The following SUMF1 variants were observed in gnomAD, a reference collection of about 807,000 sequenced individuals.
The protein encoded by SUMF1 is sulfatase modifying factor 1.
In SUMF1, 48 loss-of-function variants were observed where a neutral mutation model predicts 47.6. The observed-to-expected ratio is 1.01, with a 90% CI of 0.80 to 1.28. The LOEUF (loss-of-function observed/expected upper bound fraction) is 1.28. Among genes scored for constraint, SUMF1 ranks in the 50% most tolerant of loss-of-function variants. The pLI is 0.00. For synonymous variants in SUMF1, 230 were observed against 192.1 expected (o/e 1.20, Z -1.63); for missense variants, 571 against 485.4 (o/e 1.18, Z -1.66).
chr3:4,411,150 T>C (rs924881402), intron 6 of SUMF1, among the ~76,000 whole-genome samples, 172 bp from the exon 7 acceptor site: 3 of 152,216 alleles, frequency 2.0e-5, no homozygotes, highest in African/African-American at 7.2e-5. Flanking sequence ...GCATTTTTTT[T>C]TTGGCTTTGA....
intron 8 of SUMF1, among the ~76,000 whole-genome samples, chr3:4,369,198 A>G (rs1700091224): frequency 6.6e-6 from 1 of 152,176 alleles, no homozygotes; most frequent in Non-Finnish European, 1.5e-5. Context: ...TAGATAGTGA[A>G]ATGATAGCAA....
intron 7 of SUMF1, among the ~76,000 whole-genome samples, chr3:4,376,863 A>G (rs990106746): frequency 6.6e-6 from 1 of 152,132 alleles, no homozygotes; most frequent in African/African-American, 2.4e-5. Context: ...TGCTGTGATC[A>G]TAGCTCACTA....
chr3:4,342,185 C>T (rs1699285368), intron 8 of SUMF1, among the ~76,000 whole-genome samples: 1 of 152,148 alleles, frequency 6.6e-6, no homozygotes, highest in African/African-American at 2.4e-5. Flanking sequence ...TACATACCAG[C>T]TATTTTGAGG....
At chr3:4,154,952 T>C (rs1050680109) in intron 8 of SUMF1, among the ~76,000 whole-genome samples, 1 of 151,468 alleles carries the variant, frequency 6.6e-6, no homozygotes, top group East Asian at 1.9e-4. Flanking sequence ...TAAACTCAGG[T>C]AAGGGAAAAC....
In SUMF1 at chr3:4,174,350, C is replaced by T. The variant is rs544721896; in HGVS notation, c.1015-105605G>A. On this transcript the variant is annotated intron_variant and NMD_transcript_variant, in intron 8 of 12. Coordinates refer to the SUMF1 transcript ENST00000448413. ...CAGCCTGGGTGACAGAGCGAGACTC[C>T]GTCTCCAAAAAAAAAAAAAAAAAAA... Among the ~76,000 whole-genome samples, 275 of 71,982 alleles carry T rather than the reference C, an allele frequency of 3.8e-3. 2 individuals carry two copies. Among genetic ancestry groups the T allele is most frequent in the African/African-American group, 0.013 (249 of 18,540 alleles). 47.2% of individuals were successfully genotyped at this position (71,982 alleles called of 152,430 possible). A position where few individuals can be genotyped will look rare whatever the true frequency, so the allele number is the denominator to read the frequency against.
rs1325163445 is a variant in SUMF1 at position 4,376,378 on chromosome 3, AG to A, written c.965del (p.Pro322LeufsTer7). The A allele has an allele frequency of 1.2e-6, 2 of 1,614,042 alleles. No homozygotes were observed. The highest frequency in any genetic ancestry group is 1.7e-6 in the Non-Finnish European group (2 of 1,180,000). ...CTTTCTTCACTCGGTCTTTCCCAGA[AG>A]GGGGACCTTTCTACAGATGAAGAAA... ...VEETLNPKGPPSGKDRVKKGG... is the reference protein window; with the variant it reads ...VEETLNPKGPXSGKDRVKKGG... On this transcript the variant is annotated frameshift_variant, in exon 8 of 9. Transcript: ENST00000272902. LOFTEE classifies it high-confidence loss of function.
At chr3:4,329,763 A>G (rs1366368799) in intron 8 of SUMF1, among the ~76,000 whole-genome samples, 2 of 140,298 alleles carry the variant, frequency 1.4e-5, no homozygotes, top group Non-Finnish European at 3.1e-5. Context: ...TCCTTAGAAA[A>G]TGTTTTTTTT....
chr3:4,179,949 A>G (rs997926236), intron 8 of SUMF1, among the ~76,000 whole-genome samples: 1 of 152,226 alleles, frequency 6.6e-6, no homozygotes, highest in Non-Finnish European at 1.5e-5. Context: ...AAAAATTCAC[A>G]TCATCACTGG....
chr3:4,292,403 CAAG>C (rs1697758600), intron 8 of SUMF1, among the ~76,000 whole-genome samples: 2 of 152,128 alleles, frequency 1.3e-5, no homozygotes, highest in South Asian at 2.1e-4. Flanking sequence ...CAGTACATGA[CAAG>C]AAGGGGCTTT....
intron 9 of SUMF1, among the ~76,000 whole-genome samples, chr3:4,038,434 A>C (rs1019373759): frequency 6.6e-6 from 1 of 152,018 alleles, no homozygotes; most frequent in African/African-American, 2.4e-5. Flanking sequence ...CATTAGACTG[A>C]GGGTAGCAGG....
intron 8 of SUMF1, among the ~76,000 whole-genome samples, chr3:4,277,082 C>G (rs1269072638): frequency 6.6e-6 from 1 of 152,100 alleles, no homozygotes; most frequent in Non-Finnish European, 1.5e-5. Context: ...GTTAGGCAGT[C>G]TATTATACGC....
intron 6 of SUMF1, among the ~76,000 whole-genome samples, chr3:4,415,263 G>T (rs1430009044): frequency 7.3e-6 from 1 of 137,858 alleles, no homozygotes; most frequent in Admixed American, 7.2e-5. Flanking sequence ...AAAAATAAAA[G>T]AAATGATTAT....
intron 8 of SUMF1, among the ~76,000 whole-genome samples, chr3:4,166,758 A>AC (rs1694716013): frequency 6.6e-6 from 1 of 152,016 alleles, no homozygotes; most frequent in Non-Finnish European, 1.5e-5. Flanking sequence ...GGGCCAACCA[A>AC]CTTTTTTTCG....
chr3:4,053,680 G>A (rs1363360611), intron 9 of SUMF1, among the ~76,000 whole-genome samples: 1 of 152,140 alleles, frequency 6.6e-6, no homozygotes. Flanking sequence ...AAATCAGGGA[G>A]AATAGGGTCA....
At chr3:4,121,628 C>G (rs933388020) in intron 8 of SUMF1, among the ~76,000 whole-genome samples, 9 of 152,100 alleles carry the variant, frequency 5.9e-5, no homozygotes, top group African/African-American at 2.2e-4. Context: ...TATGACCTAG[C>G]AATTTCATTC....
At chr3:4,042,285 A>C (rs1208122588) in intron 9 of SUMF1, among the ~76,000 whole-genome samples, 4 of 152,214 alleles carry the variant, frequency 2.6e-5, no homozygotes, top group Non-Finnish European at 5.9e-5. Flanking sequence ...TTATAACGTG[A>C]CAATTGTCCA....
intron 1 of SUMF1, 23 bp downstream of exon 1, chr3:4,466,953 C>A: frequency 6.2e-7 from 1 of 1,604,444 alleles, no homozygotes; most frequent in East Asian, 2.2e-5. Context: ...CCCCCACCCG[C>A]CTCGGAGGAA....
At chr3:4,306,089 TCTACC>T (rs1698176466) in intron 8 of SUMF1, among the ~76,000 whole-genome samples, 1 of 152,186 alleles carries the variant, frequency 6.6e-6, no homozygotes, top group African/African-American at 2.4e-5. Flanking sequence ...AAAAACGCAC[TCTACC>T]CTCAAGGTGT....
At chr3:4,084,600 A>C (rs947396152) in intron 8 of SUMF1, among the ~76,000 whole-genome samples, 3 of 152,144 alleles carry the variant, frequency 2.0e-5, no homozygotes, top group Non-Finnish European at 4.4e-5. Context: ...CAGGACAAAG[A>C]AACTCAAGAC....
Sources: allele counts gnomAD v4.1 joint callset (sites outside exome capture counted in the v4.1 genomes callset), GRCh38; gene constraint gnomAD v4.1.1; transcripts MANE v1.5; gene names NCBI Gene and HGNC (gene_info 2026-07-23, HGNC 2026-07-21).